Variants in SP140 observed in about 807,000 individuals in gnomAD.
The protein encoded by SP140 is nuclear body protein SP140.
SP140 carries 81 observed loss-of-function variants against 125.0 expected under a neutral mutation model. The ratio of observed to expected loss-of-function variants is 0.65; its 90% CI spans 0.54 to 0.78. The LOEUF is 0.78. SP140 is among the 30% of genes least tolerant of loss of function. SP140 has a pLI of 0.00. For synonymous variants in SP140, 312 were observed against 354.0 expected (o/e 0.88, Z 1.33); for missense variants, 858 against 1,037.0 (o/e 0.83, Z 2.37).
At chr2:230,308,155 G>A (rs529334732) in intron 22 of SP140, among the ~76,000 whole-genome samples, 24 of 151,610 alleles carry the variant, frequency 1.6e-4, no homozygotes, top group African/African-American at 5.1e-4. Flanking sequence ...ACCAAACAAC[G>A]TGTGTTCTCA....
At chr2:230,285,887 C>T in intron 17 of SP140, 55 bp downstream of exon 17, 2 of 1,334,722 alleles carry the variant, frequency 1.5e-6, no homozygotes, top group Admixed American at 1.7e-5. Context: ...ACAAATTTTA[C>T]TGAGGTATTG....
At chr2:230,218,384 C>G (rs1574805717) in intron 3 of SP140, among the ~76,000 whole-genome samples, 1 of 152,206 alleles carries the variant, frequency 6.6e-6, no homozygotes, top group East Asian at 1.9e-4. Context: ...CATAGGAAAA[C>G]AAGAAAAGAT....
chr2:230,239,883 A>G (rs2048478020), intron 3 of SP140, among the ~76,000 whole-genome samples: 1 of 152,210 alleles, frequency 6.6e-6, no homozygotes, highest in Admixed American at 6.5e-5. Context: ...AGGCTGTGGC[A>G]ATGAAGGGAA....
intron 18 of SP140, among the ~76,000 whole-genome samples, chr2:230,289,872 C>T (rs1265566756): frequency 6.6e-6 from 1 of 152,160 alleles, no homozygotes; most frequent in Non-Finnish European, 1.5e-5. Context: ...GGTCTCCAGT[C>T]CCCCACCTGC....
intron 12 of SP140, among the ~76,000 whole-genome samples, chr2:230,267,602 C>T (rs899373752): frequency 2.6e-5 from 4 of 152,012 alleles, no homozygotes; most frequent in African/African-American, 9.7e-5. Context: ...AAAATTTTGC[C>T]AGTTATTAAG....
chr2:230,248,119 C>T, intron 8 of SP140, 54 bp downstream of exon 8: 20 of 1,576,888 alleles, frequency 1.3e-5, no homozygotes, highest in Non-Finnish European at 1.6e-5. Context: ...AGAGTGCCAA[C>T]ATGGGGTGGG....
At chr2:230,271,338 C>G (rs888661259) in intron 15 of SP140, among the ~76,000 whole-genome samples, 1 of 152,084 alleles carries the variant, frequency 6.6e-6, no homozygotes, top group African/African-American at 2.4e-5. Flanking sequence ...TCGGAAAAGC[C>G]TATATTGCCT....
chr2:230,233,383 T>C (rs770762204), intron 1 of SP140, among the ~76,000 whole-genome samples: 13 of 152,076 alleles, frequency 8.5e-5, no homozygotes, highest in Non-Finnish European at 1.8e-4. Context: ...CGAGATTCCG[T>C]CTCAAAACAA....
chr2:230,216,829 G>C, intron 3 of SP140: 2 of 1,614,126 alleles, frequency 1.2e-6, no homozygotes, highest in South Asian at 2.2e-5. Context: ...GGCCTTCAAA[G>C]AAGGGAAATG....
Position 230,243,760 on chromosome 2 carries a change from G to T in SP140, c.520G>T (p.Asp174Tyr). 1.9e-6 allele frequency: 3 copies of T among 1,613,074 alleles called. No individual in the cohort carries two copies. The highest frequency in any genetic ancestry group is 1.7e-6 in the Non-Finnish European group (2 of 1,179,374). The part of the protein sequence containing the change: ...ENSNACHEMD[D>Y]IAVPQEALSS... Reference sequence around the variant, plus strand: ...CAGCAATGCCTGTCATGAAATGGATGATATAGCAGTGCCTCAGGAAGCCTT... The same window carrying T: ...CAGCAATGCCTGTCATGAAATGGATTATATAGCAGTGCCTCAGGAAGCCTT... The change falls in exon 5 of 27, where the codon GAT becomes TAT. Residue 174 changes from aspartate to tyrosine, a missense_variant. This residue lies in a region of SP140 where 791 missense variants were observed against 869.5 expected (regional missense o/e 0.91). Transcript: ENST00000392045.
chr2:230,290,655 G>A, intron 19 of SP140, 91 bp downstream of exon 19: 1 of 1,144,036 alleles, frequency 8.7e-7, no homozygotes, highest in African/African-American at 1.6e-5. Flanking sequence ...CATCATTCAA[G>A]GAGTTTGGTC....
chr2:230,204,263 A>G (rs2043507728), intron 1 of SP140, among the ~76,000 whole-genome samples: 1 of 152,172 alleles, frequency 6.6e-6, no homozygotes, highest in Non-Finnish European at 1.5e-5. Context: ...TCTCTAACAA[A>G]GTCACTTCTC....
chr2:230,239,071 C>A lies in SP140; in HGVS notation c.406+690C>A. The stretch of plus-strand genomic sequence containing the variant: ...AAAGAAGGAATAAAGGGCATTTAAA[C>A]GGGAAAAGTAAAAGAAGTCAGTATG... On this transcript the variant is annotated intron_variant, in intron 3 of 26. Transcript: ENST00000392045. 6 of 1,382,258 alleles carry A rather than the reference C, an allele frequency of 4.3e-6. No homozygotes were observed. The South Asian group carries it at 1.1e-4, about 24-fold the overall frequency. 85.6% of individuals were successfully genotyped at this position (1,382,258 alleles called of 1,614,324 possible).
chr2:230,273,435 C>A (rs1057170502), intron 15 of SP140, among the ~76,000 whole-genome samples: 6 of 152,114 alleles, frequency 3.9e-5, no homozygotes, highest in African/African-American at 1.4e-4. Flanking sequence ...ATTAAAAGGT[C>A]TAAAAACAAC....
At chr2:230,294,223 A>C (rs1428045942) in intron 20 of SP140, 48 bp from the exon 21 acceptor site, 1 of 1,547,862 alleles carries the variant, frequency 6.5e-7, no homozygotes, top group Non-Finnish European at 8.9e-7. Flanking sequence ...CAGACTCACA[A>C]AACGGAAACA....
Position 230,286,335 on chromosome 2 carries a change from A to G in SP140, c.1645+503A>G, listed in dbSNP as rs535553574. On this transcript the variant is annotated intron_variant, in intron 17 of 26. Transcript: ENST00000392045. ...TAAAGCACCTTCGCTTCTTCAGCCT[A>G]GGCAAGCCTTAGTCTGGAACACATA... Among the ~76,000 whole-genome samples the G allele has an allele frequency of 1.6e-3, 243 of 152,330 alleles. 3 individuals are homozygous for G. Among genetic ancestry groups the G allele is most frequent in the African/African-American group, 5.0e-3 (209 of 41,570 alleles).
chr2:230,269,764 G>A (rs2053642046), intron 13 of SP140, 73 bp from the exon 14 acceptor site: 1 of 1,224,570 alleles, frequency 8.2e-7, no homozygotes, highest in Middle Eastern at 2.1e-4. Context: ...AAAGAAGGGG[G>A]AGCAACAAGG....
At position 230,284,330 on chromosome 2, in the gene SP140, T is replaced by C. The variant is rs554898816; in HGVS notation, c.1499-16T>C. 1.9e-6 allele frequency: 3 copies of C among 1,597,940 alleles called. No homozygotes were observed. The East Asian group carries it at 6.7e-5, about 36-fold the overall frequency. Reference sequence around the variant, plus strand: ...TATACCTCTGCATAATTAACTTTATTCTCTTTGGTTTGAAGGAAAAAAGAG... The same window carrying C: ...TATACCTCTGCATAATTAACTTTATCCTCTTTGGTTTGAAGGAAAAAAGAG... On this transcript the variant is annotated splice_polypyrimidine_tract_variant and intron_variant, in intron 15 of 26. Coordinates refer to ENST00000392045, the MANE Select transcript of SP140 (RefSeq NM_007237.5).
intron 16 of SP140, among the ~76,000 whole-genome samples, chr2:230,285,213 AAAAT>A (rs2056206973): frequency 4.6e-5 from 7 of 152,190 alleles, no homozygotes; most frequent in Admixed American, 2.0e-4. Flanking sequence ...TGAAATTTTC[AAAAT>A]TTATTTTAGC....
Sources: gnomAD v4.1 joint callset for allele counts (sites outside exome capture counted in the v4.1 genomes callset) on GRCh38, gnomAD v4.1.1 for gene constraint, gnomAD v4.1.1 regional missense constraint, MANE v1.5 for transcripts, NCBI Gene and HGNC (gene_info 2026-07-23, HGNC 2026-07-21) for gene names.